The following COL22A1 variants were observed in gnomAD, a reference collection of about 807,000 sequenced individuals.
COL22A1 encodes the protein collagen alpha-1(XXII) chain.
Under a neutral mutation model 248.9 loss-of-function variants are expected in COL22A1, and 221 were observed. That is an observed-to-expected ratio of 0.89 (90% CI 0.80 to 0.99). The LOEUF (loss-of-function observed/expected upper bound fraction) is 0.99, where lower values mean the gene tolerates loss of function less well. Ranked by LOEUF, COL22A1 falls within the 50% of genes least tolerant of loss-of-function variation. The pLI, the probability that COL22A1 is intolerant of heterozygous loss-of-function variation, is 0.00. For missense variants in COL22A1, 2,240 were observed against 2,179.0 expected, an observed-to-expected ratio of 1.03 and a Z score of -0.56; for synonymous variants, 891 against 793.4, an observed-to-expected ratio of 1.12 and a Z score of -2.07.
chr8:138,647,323 C>T (rs1471991619), intron 46 of COL22A1, among the ~76,000 whole-genome samples: 84 of 152,094 alleles, frequency 5.5e-4, no homozygotes, highest in Admixed American at 5.4e-3. Context: ...AAGACCTGAG[C>T]CAAAACAACC....
chr8:138,857,023 C>T (rs537241304), intron 3 of COL22A1, among the ~76,000 whole-genome samples: 10 of 152,164 alleles, frequency 6.6e-5, no homozygotes, highest in Admixed American at 5.9e-4. Flanking sequence ...GGAAAGGCCG[C>T]CTTTGCCCCT....
At chr8:138,699,910 C>T (rs532990944) in intron 32 of COL22A1, among the ~76,000 whole-genome samples, 1 of 152,360 alleles carries the variant, frequency 6.6e-6, no homozygotes, top group African/African-American at 2.4e-5. Flanking sequence ...CCTGGAATGT[C>T]CTGCCTGACC....
At chr8:138,605,520 G>A (rs1818354412) in intron 58 of COL22A1, among the ~76,000 whole-genome samples, 1 of 152,164 alleles carries the variant, frequency 6.6e-6, no homozygotes, top group Non-Finnish European at 1.5e-5. Context: ...TGCAAAGCCT[G>A]GGCAGCATGG....
intron 30 of COL22A1, among the ~76,000 whole-genome samples, chr8:138,712,844 G>A (rs1013097480): frequency 1.3e-5 from 2 of 151,150 alleles, no homozygotes; most frequent in East Asian, 2.0e-4. Context: ...AGAGGGTAAG[G>A]GTTCTACCAG....
intron 30 of COL22A1, among the ~76,000 whole-genome samples, chr8:138,706,331 T>C (rs1828443452): frequency 6.6e-6 from 1 of 152,158 alleles, no homozygotes; most frequent in Non-Finnish European, 1.5e-5. Flanking sequence ...CAACAGAATA[T>C]ACATTCTTCT....
intron 56 of COL22A1, among the ~76,000 whole-genome samples, chr8:138,612,335 G>A (rs770362581): frequency 2.0e-5 from 3 of 152,124 alleles, no homozygotes; most frequent in Non-Finnish European, 2.9e-5. Context: ...TCTTTGCACA[G>A]CACTAGGCAC....
intron 37 of COL22A1, among the ~76,000 whole-genome samples, chr8:138,686,799 A>C (rs1308187038): frequency 3.9e-5 from 6 of 152,210 alleles, no homozygotes; most frequent in Non-Finnish European, 8.8e-5. Flanking sequence ...TGTCCTACTT[A>C]TAATGTGCCG....
intron 1 of COL22A1, among the ~76,000 whole-genome samples, chr8:138,908,491 A>G (rs1343964561): frequency 6.6e-6 from 1 of 152,264 alleles, no homozygotes; most frequent in Admixed American, 6.5e-5. Flanking sequence ...TGAATTATGT[A>G]CATTTATCTT....
intron 45 of COL22A1, among the ~76,000 whole-genome samples, 190 bp downstream of exon 45, chr8:138,655,707 A>C (rs1823186352): frequency 6.6e-6 from 1 of 152,060 alleles, no homozygotes; most frequent in Non-Finnish European, 1.5e-5. Context: ...GCATGTGACC[A>C]GTGGCTGTTG....
intron 56 of COL22A1, among the ~76,000 whole-genome samples, chr8:138,609,734 C>A (rs1264158269): frequency 6.6e-6 from 1 of 151,772 alleles, no homozygotes; most frequent in Non-Finnish European, 1.5e-5. Flanking sequence ...CAAGACATTG[C>A]AGAGAGGATA....
chr8:138,783,670 G>A (rs1167119640), intron 12 of COL22A1, among the ~76,000 whole-genome samples: 1 of 152,146 alleles, frequency 6.6e-6, no homozygotes, highest in Non-Finnish European at 1.5e-5. Context: ...CAATCAAGTT[G>A]AGGGTATTAA....
intron 3 of COL22A1, among the ~76,000 whole-genome samples, chr8:138,876,343 G>C (rs556559649): frequency 3.3e-5 from 5 of 152,050 alleles, no homozygotes; most frequent in Non-Finnish European, 5.9e-5. Context: ...CACATACCAC[G>C]ACCACACATG....
At chr8:138,741,955 A>G (rs1175849739) in intron 22 of COL22A1, among the ~76,000 whole-genome samples, 1 of 144,448 alleles carries the variant, frequency 6.9e-6, no homozygotes, top group Non-Finnish European at 1.5e-5. Flanking sequence ...TGATGATAGT[A>G]GTGATGGTGA....
chr8:138,778,622 G>A lies in COL22A1; in HGVS notation c.1705-216C>T, dbSNP rs73361033. ...GAAGTCATGCCATCTGCTGCCTGGT[G>A]GAGCCCTGATTCACACCCAGATTCT... On this transcript the variant is annotated intron_variant, in intron 14 of 64. Coordinates refer to ENST00000303045, the MANE Select transcript of COL22A1 (RefSeq NM_152888.3). Among the ~76,000 whole-genome samples the A allele has an allele frequency of 6.2e-3, 949 of 152,268 alleles. 7 individuals are homozygous for A. The highest frequency in any genetic ancestry group is 0.022 in the African/African-American group (924 of 41,560).
chr8:138,653,444 C>T (rs1822937366), intron 45 of COL22A1, among the ~76,000 whole-genome samples: 1 of 152,212 alleles, frequency 6.6e-6, no homozygotes, highest in African/African-American at 2.4e-5. Context: ...TCTACCACTA[C>T]AAGGTCTGTG....
rs962014100 is a variant in COL22A1, at chr8:138,800,418, G to C, written c.1557+2454C>G. ...GAATTTCACCAGGTATTATCTTTTT[G>C]GGGGGAGTAGATTCACAGAGTTCCT... On this transcript the variant is annotated intron_variant, in intron 11 of 64. Transcript: ENST00000303045. 2.0e-5 allele frequency among the ~76,000 whole-genome samples: 3 copies of C among 152,262 alleles called. No homozygotes were observed. The South Asian group carries it at 6.2e-4, about 32-fold the overall frequency.
chr8:138,758,997 A>C (rs1334795986), intron 18 of COL22A1, among the ~76,000 whole-genome samples: 1 of 152,172 alleles, frequency 6.6e-6, no homozygotes, highest in Non-Finnish European at 1.5e-5. Flanking sequence ...TAAACTGCTT[A>C]TTTTAGGACT....
At chr8:138,632,208 G>A (rs1447785752) in intron 49 of COL22A1, among the ~76,000 whole-genome samples, 1 of 152,172 alleles carries the variant, frequency 6.6e-6, no homozygotes, top group Non-Finnish European at 1.5e-5. Context: ...TTGGTTAAGA[G>A]TGCAGCCTCT....
At chr8:138,875,147 G>A (rs916606655) in intron 3 of COL22A1, among the ~76,000 whole-genome samples, 6 of 152,134 alleles carry the variant, frequency 3.9e-5, no homozygotes, top group African/African-American at 7.2e-5. Flanking sequence ...AGGTTTCATC[G>A]TTTGAAGCTG....
Sources: allele counts gnomAD v4.1 joint callset (sites outside exome capture counted in the v4.1 genomes callset), GRCh38; gene constraint gnomAD v4.1.1; transcripts MANE v1.5; gene names NCBI Gene and HGNC (gene_info 2026-07-23, HGNC 2026-07-21).